Variants in XRCC5 observed in about 807,000 individuals in gnomAD.
The protein encoded by XRCC5 is X-ray repair cross complementing 5.
In XRCC5, 12 loss-of-function variants were observed where a neutral mutation model predicts 95.7. That is an observed-to-expected ratio of 0.13 (90% CI 0.08 to 0.20). The LOEUF (loss-of-function observed/expected upper bound fraction) is 0.20, where lower values mean the gene tolerates loss of function less well. Among genes scored for constraint, XRCC5 ranks in the 10% least tolerant of loss-of-function variants. The probability of loss-of-function intolerance (pLI) is 1.00; values close to 1 mark genes in which losing one functional copy is unlikely to be tolerated. For missense variants in XRCC5, 595 were observed against 873.9 expected, an observed-to-expected ratio of 0.68 and a Z score of 4.02; for synonymous variants, 281 against 290.3, an observed-to-expected ratio of 0.97 and a Z score of 0.33.
Position 216,205,222 on chromosome 2 carries a change from T to C in XRCC5, c.*20T>C. ...ATATAGGTCGTGGATGTATGGGGAATCTAAGAGAGCTGCCATCGCTGTGAT... is the reference window on the plus strand; with the variant it reads ...ATATAGGTCGTGGATGTATGGGGAACCTAAGAGAGCTGCCATCGCTGTGAT... On this transcript the variant is annotated 3_prime_UTR_variant, in exon 21 of 21. Coordinates refer to ENST00000392132, the MANE Select transcript of XRCC5 (RefSeq NM_021141.4). The C allele has an allele frequency of 6.2e-7, 1 of 1,613,974 alleles. No homozygotes were observed. The highest frequency in any genetic ancestry group is 1.7e-5 in the Admixed American group (1 of 60,008).
intron 16 of XRCC5, among the ~76,000 whole-genome samples, chr2:216,178,786 G>A (rs1309514530): frequency 2.0e-5 from 3 of 152,108 alleles, no homozygotes; most frequent in Non-Finnish European, 4.4e-5. Context: ...GTTCTAGACT[G>A]TCTACTCCCC....
At chr2:216,200,989 A>G (rs926677634) in intron 19 of XRCC5, among the ~76,000 whole-genome samples, 2 of 152,220 alleles carry the variant, frequency 1.3e-5, no homozygotes, top group Admixed American at 6.5e-5. Flanking sequence ...TTACAATACC[A>G]TAATGAATTT....
intron 10 of XRCC5, among the ~76,000 whole-genome samples, chr2:216,136,724 G>A (rs145168540): frequency 6.6e-6 from 1 of 152,264 alleles, no homozygotes; most frequent in East Asian, 1.9e-4. Context: ...GAAACAGCAT[G>A]CCTATTATTT....
intron 13 of XRCC5, among the ~76,000 whole-genome samples, chr2:216,142,234 ATAG>A (rs1316324660): frequency 1.3e-5 from 2 of 152,078 alleles, no homozygotes; most frequent in Admixed American, 6.5e-5. Context: ...CTATATCAAA[ATAG>A]TAGGAGAGCT....
At chr2:216,198,164 A>T (rs1689765737) in intron 19 of XRCC5, among the ~76,000 whole-genome samples, 1 of 152,236 alleles carries the variant, frequency 6.6e-6, no homozygotes, top group African/African-American at 2.4e-5. Context: ...ATTAAAATGC[A>T]CGTTCCTTTG....
At chr2:216,175,491 A>C (rs888220256) in intron 16 of XRCC5, 1 of 485,848 alleles carries the variant, frequency 2.1e-6, no homozygotes, top group Non-Finnish European at 4.0e-6. Context: ...TTTCTAAACA[A>C]CAGTTTTATC....
intron 13 of XRCC5, among the ~76,000 whole-genome samples, chr2:216,147,156 A>G (rs896188177): frequency 6.6e-6 from 1 of 152,158 alleles, no homozygotes. Context: ...GTATTTCAGC[A>G]AAGACTAAAA....
At chr2:216,137,624 A>T (rs1331051190) in intron 11 of XRCC5, among the ~76,000 whole-genome samples, 1 of 152,200 alleles carries the variant, frequency 6.6e-6, no homozygotes, top group Non-Finnish European at 1.5e-5. Context: ...CATTTTTACA[A>T]ATGAGAACTA....
Position 216,109,358 on chromosome 2 carries a change from G to C in XRCC5, c.-79G>C. On this transcript the variant is annotated 5_prime_UTR_variant, in exon 1 of 21. Coordinates refer to ENST00000392132, the MANE Select transcript of XRCC5 (RefSeq NM_021141.4). ...GAAGCGGCTCTTTCCGCTATCTGCC[G>C]CTTGTCCACCGGAAGCGAGTTGCGA... The C allele has an allele frequency of 6.2e-7, 1 of 1,607,870 alleles. No homozygotes were observed. Among genetic ancestry groups the C allele is most frequent in the Non-Finnish European group, 8.5e-7 (1 of 1,176,970 alleles).
rs1041806211 is a variant in XRCC5, at chr2:216,137,980, C to T, written c.1252-109C>T. 24 of 964,050 alleles carry T rather than the reference C, an allele frequency of 2.5e-5. 1 individual carries two copies. In the South Asian group the frequency reaches 3.5e-4, roughly 14 times the overall value. 59.7% of individuals were successfully genotyped at this position (964,050 alleles called of 1,614,324 possible). On this transcript the variant is annotated intron_variant, in intron 11 of 20. Coordinates refer to ENST00000392132, the MANE Select transcript of XRCC5 (RefSeq NM_021141.4). ...TTTCATATGCCAGAGTTGGGCTGTC[C>T]GATTTTTGAAATATTTCTGTTATGC...
chr2:216,137,365 G>C (rs757398319), intron 11 of XRCC5, 140 bp downstream of exon 11: 13 of 962,432 alleles, frequency 1.4e-5, no homozygotes, highest in Non-Finnish European at 1.8e-5. Context: ...CTGGGGCAGG[G>C]CCCAGATTCT....
intron 16 of XRCC5, among the ~76,000 whole-genome samples, chr2:216,188,767 ATTT>A (rs1294786855): frequency 6.6e-6 from 1 of 152,158 alleles, no homozygotes; most frequent in African/African-American, 2.4e-5. Context: ...GGGTTGTATT[ATTT>A]ACCTTGTTTA....
chr2:216,118,004 C>G (rs1309684305), intron 4 of XRCC5, among the ~76,000 whole-genome samples: 2 of 152,080 alleles, frequency 1.3e-5, no homozygotes, highest in Admixed American at 6.6e-5. Flanking sequence ...GATTATTTCT[C>G]TGGAAGAAAT....
chr2:216,192,030 C>T (rs1206542362), intron 17 of XRCC5, among the ~76,000 whole-genome samples: 1 of 152,040 alleles, frequency 6.6e-6, no homozygotes, highest in Non-Finnish European at 1.5e-5. Context: ...AGGAGTTTTA[C>T]TCTTGTTTCC....
chr2:216,196,543 T>C (rs994191894), intron 19 of XRCC5, among the ~76,000 whole-genome samples: 18 of 152,030 alleles, frequency 1.2e-4, no homozygotes, highest in Non-Finnish European at 1.3e-4. Flanking sequence ...CACACACACA[T>C]ATATATAGAG....
chr2:216,116,703 T>C lies in XRCC5; in HGVS notation c.180T>C (p.Gly60=). ...NKDEIALVLF[G]TDGTDNPLSG... ...ATGAGATTGCTTTAGTCCTGTTTGGTACAGATGGCACTGACAATCCCCTTT... is the reference window on the plus strand; with the variant it reads ...ATGAGATTGCTTTAGTCCTGTTTGGCACAGATGGCACTGACAATCCCCTTT... Residue 60 remains glycine, a synonymous_variant, in exon 3 of 21, where the codon GGT becomes GGC. Transcript: ENST00000392132. 1 of 1,614,208 alleles carries C rather than the reference T, an allele frequency of 6.2e-7. No homozygotes were observed. The highest frequency in any genetic ancestry group is 8.5e-7 in the Non-Finnish European group (1 of 1,180,024).
chr2:216,206,240 A>G lies in XRCC5; in HGVS notation c.*1038A>G, dbSNP rs1344227458. 1 of 152,186 alleles carries G rather than the reference A, an allele frequency of 6.6e-6. No homozygotes were observed. The highest frequency in any genetic ancestry group is 1.5e-5 in the Non-Finnish European group (1 of 68,042). The allele number at this position is 152,186 out of a possible 1,614,324, so 9.4% of individuals were successfully genotyped here. A position where few individuals can be genotyped will look rare whatever the true frequency, so the allele number is the denominator to read the frequency against. ...AGCACCCTCATAAGTCGTCACTAAT[A>G]CACAGTTTTGTACATGTAACATTAA... On this transcript the variant is annotated 3_prime_UTR_variant, in exon 21 of 21. Transcript: ENST00000392132.
chr2:216,113,027 G>T lies in XRCC5; in HGVS notation c.33G>T (p.Val11=), dbSNP rs1696616500. MVRSGNKAAV[V]LCMDVGFTMS... ...AACTTTGTTTCCAGGCAGCTGTTGT[G>T]CTGTGTATGGACGTGGGCTTTACCA... The change falls in exon 2 of 21, where the codon GTG becomes GTT. Residue 11 remains valine, a synonymous_variant. Coordinates refer to ENST00000392132, the MANE Select transcript of XRCC5 (RefSeq NM_021141.4). The T allele has an allele frequency of 1.2e-6, 2 of 1,613,176 alleles. No homozygotes were observed. The highest frequency in any genetic ancestry group is 4.5e-5 in the East Asian group (2 of 44,852).
chr2:216,122,557 T>C (rs956189720), intron 6 of XRCC5, among the ~76,000 whole-genome samples: 2 of 151,864 alleles, frequency 1.3e-5, no homozygotes, highest in South Asian at 4.1e-4. Flanking sequence ...TTCTTCATTA[T>C]GCCAAGCTTG....
Sources: gnomAD v4.1 joint callset for allele counts (sites outside exome capture counted in the v4.1 genomes callset) on GRCh38, gnomAD v4.1.1 for gene constraint, MANE v1.5 for transcripts, NCBI Gene and HGNC (gene_info 2026-07-23, HGNC 2026-07-21) for gene names.